Variants in ATP6V1A observed in about 807,000 individuals in gnomAD.
ATP6V1A encodes the protein ATPase H+ transporting V1 subunit A, also known as V-type proton ATPase catalytic subunit A.
Under a neutral mutation model 70.1 loss-of-function variants are expected in ATP6V1A, and 18 were observed. The observed-to-expected ratio is 0.26, with a 90% confidence interval of 0.18 to 0.38. The LOEUF is 0.38. Among genes scored for constraint, ATP6V1A ranks in the 10% least tolerant of loss-of-function variants. The pLI, the probability that ATP6V1A is intolerant of heterozygous loss-of-function variation, is 1.00. For synonymous variants in ATP6V1A, 232 were observed against 253.8 expected, an observed-to-expected ratio of 0.91 and a Z score of 0.82; for missense variants, 424 against 772.4, an observed-to-expected ratio of 0.55 and a Z score of 5.35.
chr3:113,768,907 A>G (rs1466177035), intron 1 of ATP6V1A, among the ~76,000 whole-genome samples: 1 of 152,138 alleles, frequency 6.6e-6, no homozygotes, highest in African/African-American at 2.4e-5. Flanking sequence ...CTTTTAAAAG[A>G]ACAAAGAAAT....
At chr3:113,786,429 T>A in intron 6 of ATP6V1A, 46 bp downstream of exon 6, 1 of 1,582,102 alleles carries the variant, frequency 6.3e-7, no homozygotes, top group Middle Eastern at 1.7e-4. Flanking sequence ...AGTTATTATA[T>A]GTGCTTATGT....
At position 113,784,684 on chromosome 3, in the gene ATP6V1A, A is replaced by G. The variant is rs775765057; in HGVS notation, c.427-12A>G. 4.3e-6 allele frequency: 7 copies of G among 1,612,476 alleles called. No individual in the cohort carries two copies. In the South Asian group the frequency reaches 4.4e-5, roughly 10 times the overall value. ...TATTTGCAAATTAAACAGCAAATAC[A>G]TTTATCTCTAGGTTGGTAGTCATAT... On this transcript the variant is annotated splice_polypyrimidine_tract_variant and intron_variant, in intron 4 of 14. Coordinates refer to ENST00000273398, the MANE Select transcript of ATP6V1A (RefSeq NM_001690.4).
intron 1 of ATP6V1A, among the ~76,000 whole-genome samples, chr3:113,757,295 G>A (rs1421377639): frequency 6.6e-6 from 1 of 152,164 alleles, no homozygotes; most frequent in Non-Finnish European, 1.5e-5. Flanking sequence ...AGCTTGGAAA[G>A]TAGCTGTAAA....
intron 8 of ATP6V1A, 136 bp downstream of exon 8, chr3:113,789,976 A>C: frequency 1.6e-6 from 1 of 631,796 alleles, no homozygotes; most frequent in African/African-American, 1.9e-5. Flanking sequence ...GCTTTTAAAA[A>C]ATATTTTACT....
rs530159143 is a variant in ATP6V1A at position 113,762,568 on chromosome 3, C to CA, written c.-14+15466dup. Among the ~76,000 whole-genome samples the CA allele has an allele frequency of 5.2e-3, 732 of 140,632 alleles. 14 individuals carry two copies. Among genetic ancestry groups the CA allele is most frequent in the Admixed American group, 0.037 (514 of 14,068 alleles). 92.3% of individuals were successfully genotyped at this position (140,632 alleles called of 152,430 possible). ...AGGCAACAAGAGCAAAACTCCATCT[C>CA]AAAAAAAAAAATGGTAAAGTCATTT... is the stretch of plus-strand genomic sequence containing the variant. On this transcript the variant is annotated intron_variant, in intron 1 of 14. Transcript: ENST00000273398.
Position 113,767,414 on chromosome 3 carries a change from C to A in ATP6V1A, c.-13-11327C>A, listed in dbSNP as rs138818102. Among the ~76,000 whole-genome samples, 707 of 152,140 alleles carry A rather than the reference C, an allele frequency of 4.6e-3. 5 individuals are homozygous for A. Among genetic ancestry groups the A allele is most frequent in the African/African-American group, 0.016 (685 of 41,516 alleles). On this transcript the variant is annotated intron_variant, in intron 1 of 14. Coordinates refer to ENST00000273398, the MANE Select transcript of ATP6V1A (RefSeq NM_001690.4). The stretch of plus-strand genomic sequence containing the variant: ...ATGTTATCTGTTTTTAATTTCAGAA[C>A]ATTTTACTGAGTTACTGCTGTATAA...
intron 1 of ATP6V1A, among the ~76,000 whole-genome samples, chr3:113,775,573 G>T (rs1189458241): frequency 2.3e-5 from 3 of 129,790 alleles, no homozygotes; most frequent in East Asian, 2.3e-4. Flanking sequence ...CGCAAGTCTG[G>T]TGGGTAGGTG....
chr3:113,792,075 A>G (rs954394609), intron 8 of ATP6V1A, among the ~76,000 whole-genome samples: 8 of 152,034 alleles, frequency 5.3e-5, no homozygotes, highest in South Asian at 4.1e-4. Flanking sequence ...GTATTTCTGT[A>G]TTTCTTGTTC....
At chr3:113,752,277 T>C (rs956016652) in intron 1 of ATP6V1A, among the ~76,000 whole-genome samples, 1 of 151,930 alleles carries the variant, frequency 6.6e-6, no homozygotes, top group Non-Finnish European at 1.5e-5. Flanking sequence ...TTAATTTTTT[T>C]AATGTTTAAA....
At position 113,809,790 on chromosome 3, in the gene ATP6V1A, G is replaced by C. The variant is rs1293634332; in HGVS notation, c.*363G>C. The C allele has an allele frequency of 6.5e-6, 1 of 154,936 alleles. No individual in the cohort carries two copies. The highest frequency in any genetic ancestry group is 6.4e-5 in the Admixed American group (1 of 15,506). The allele number at this position is 154,936 out of a possible 1,614,324, so 9.6% of individuals were successfully genotyped here. On this transcript the variant is annotated 3_prime_UTR_variant, in exon 15 of 15. Transcript: ENST00000273398. The stretch of plus-strand genomic sequence containing the variant: ...GACTACTGCATGTACTCTCTTTGCA[G>C]TGAATTTGGAATGGAAGGCCAGGTT...
At chr3:113,788,120 T>C (rs1158538588) in intron 6 of ATP6V1A, among the ~76,000 whole-genome samples, 2 of 152,166 alleles carry the variant, frequency 1.3e-5, no homozygotes, top group Non-Finnish European at 2.9e-5. Context: ...AGGGTCTTGC[T>C]CTTTTGCCCA....
intron 2 of ATP6V1A, among the ~76,000 whole-genome samples, chr3:113,779,640 T>G (rs1306815029): frequency 6.6e-6 from 1 of 152,192 alleles, no homozygotes; most frequent in Non-Finnish European, 1.5e-5. Flanking sequence ...GTGTTTGAGC[T>G]TGATTTCATT....
intron 1 of ATP6V1A, among the ~76,000 whole-genome samples, chr3:113,768,367 A>G (rs1708797266): frequency 6.6e-6 from 1 of 152,138 alleles, no homozygotes; most frequent in South Asian, 2.1e-4. Context: ...TGTACAATAT[A>G]AAAATATTTA....
At chr3:113,808,572 G>A (rs1458579808) in intron 14 of ATP6V1A, among the ~76,000 whole-genome samples, 6 of 152,052 alleles carry the variant, frequency 3.9e-5, no homozygotes, top group African/African-American at 1.4e-4. Flanking sequence ...GATTACAGGC[G>A]TGAGCCACCA....
intron 1 of ATP6V1A, among the ~76,000 whole-genome samples, chr3:113,749,534 A>G (rs567519536): frequency 6.6e-6 from 1 of 152,220 alleles, no homozygotes; most frequent in East Asian, 1.9e-4. Context: ...TTTCTTCCCC[A>G]TGGGCAGAGG....
intron 8 of ATP6V1A, among the ~76,000 whole-genome samples, chr3:113,791,568 T>A (rs1340389240): frequency 6.6e-6 from 1 of 152,192 alleles, no homozygotes; most frequent in East Asian, 1.9e-4. Context: ...GAGGGCTGGC[T>A]GTGACTGTGT....
intron 1 of ATP6V1A, among the ~76,000 whole-genome samples, chr3:113,753,885 C>T (rs1348734314): frequency 6.6e-6 from 1 of 150,976 alleles, no homozygotes; most frequent in African/African-American, 2.4e-5. Flanking sequence ...TTGGTAGAGA[C>T]GGGGTTTCAC....
intron 4 of ATP6V1A, 115 bp from the exon 5 acceptor site, chr3:113,784,581 A>G: frequency 1.4e-6 from 2 of 1,432,402 alleles, no homozygotes; most frequent in South Asian, 2.7e-5. Context: ...ACTTCATGGG[A>G]TTTTAGAACT....
At position 113,805,418 on chromosome 3, in the gene ATP6V1A, C is replaced by CCCCT; in HGVS notation, c.1654_1655insCCCT (p.Arg552ProfsTer3). The CCCCT allele has an allele frequency of 6.2e-7, 1 of 1,613,860 alleles. No individual in the cohort carries two copies. The highest frequency in any genetic ancestry group is 2.2e-5 in the East Asian group (1 of 44,860). On this transcript the variant is annotated frameshift_variant, in exon 14 of 15. Transcript: ENST00000273398. LOFTEE classifies it high-confidence loss of function. ...CATGATTGCATTTTATGATATGGCT[C>CCCCT]GTAGAGCTGTTGAAACCACTGCCCA... is the stretch of plus-strand genomic sequence containing the variant.
Sources: gnomAD v4.1 joint callset for allele counts (sites outside exome capture counted in the v4.1 genomes callset) on GRCh38, gnomAD v4.1.1 for gene constraint, MANE v1.5 for transcripts, NCBI Gene and HGNC (gene_info 2026-07-23, HGNC 2026-07-21) for gene names.